TENM3: variants seen among roughly 807,000 people sequenced by gnomAD.
The protein encoded by TENM3 is teneurin-3.
TENM3 carries 63 observed loss-of-function variants against 255.1 expected under a neutral mutation model. The observed-to-expected ratio is 0.25, with a 90% CI of 0.20 to 0.30. The LOEUF (loss-of-function observed/expected upper bound fraction) is 0.30. Ranked by LOEUF, TENM3 falls within the 10% of genes least tolerant of loss-of-function variation. The probability of loss-of-function intolerance (pLI) is 1.00; values close to 1 mark genes in which losing one functional copy is unlikely to be tolerated. For missense variants in TENM3, 2,929 were observed against 3,461.1 expected (o/e 0.85, Z 3.86); for synonymous variants, 1,306 against 1,322.3 (o/e 0.99, Z 0.27).
the TENM3 span, among the ~76,000 whole-genome samples, chr4:181,920,946 C>A: frequency 1.1e-4 from 17 of 152,076 alleles, no homozygotes; most frequent in Non-Finnish European, 1.6e-4. Flanking sequence ...TCAGCTTTCT[C>A]CATATGGCTA....
chr4:182,594,712 G>GTGTA (rs955668329), intron 3 of TENM3, among the ~76,000 whole-genome samples: 1 of 150,418 alleles, frequency 6.6e-6, no homozygotes, highest in African/African-American at 2.4e-5. Context: ...GTGTGTGTGT[G>GTGTA]TGTGTGTGTG....
chr4:181,740,120 A>G, the TENM3 span, among the ~76,000 whole-genome samples: 7 of 152,224 alleles, frequency 4.6e-5, no homozygotes, highest in African/African-American at 1.7e-4. Flanking sequence ...TGAAATCCAC[A>G]GGTATTCTAA....
chr4:181,685,115 A>C, the TENM3 span, among the ~76,000 whole-genome samples: 2 of 151,968 alleles, frequency 1.3e-5, no homozygotes, highest in African/African-American at 4.8e-5. Context: ...ATCTAAAAAG[A>C]TGCCAGGAGT....
At chr4:181,487,513 G>A in the TENM3 span, among the ~76,000 whole-genome samples, 1 of 152,138 alleles carries the variant, frequency 6.6e-6, no homozygotes, top group Non-Finnish European at 1.5e-5. Context: ...GTTCTCACAT[G>A]GTGGAAGGGG....
chr4:181,560,452 C>T, the TENM3 span, among the ~76,000 whole-genome samples: 2 of 152,168 alleles, frequency 1.3e-5, no homozygotes, highest in African/African-American at 4.8e-5. Flanking sequence ...TATATAAACA[C>T]ATGAGGAAAA....
chr4:182,681,904 A>T lies in TENM3; in HGVS notation c.1925A>T (p.Glu642Val). The change falls in exon 11 of 28, where the codon GAA becomes GTA. Residue 642 changes from glutamate (E) to valine (V), a missense_variant. By Grantham distance (121) the Glu-to-Val change is moderately radical. Transcript: ENST00000511685. ...CCAGGATGGGGAGGTAGCAATTGTG[A>T]AATACTGAAGACCATGTGTCCAGAC... ...CSPGWGGSNC[E>V]ILKTMCPDQC... 1 of 1,613,928 alleles carries T rather than the reference A, an allele frequency of 6.2e-7. No individual in the cohort carries two copies. Among genetic ancestry groups the T allele is most frequent in the South Asian group, 1.1e-5 (1 of 91,072 alleles).
the TENM3 span, among the ~76,000 whole-genome samples, chr4:182,094,436 C>T: frequency 0.35 from 53,128 of 151,846 alleles, 9,416 homozygotes; most frequent in East Asian, 0.48. Flanking sequence ...TTAGTAGAGA[C>T]GGGGTTTCAC....
chr4:181,474,751 A>AAC, the TENM3 span, among the ~76,000 whole-genome samples: 1 of 151,602 alleles, frequency 6.6e-6, no homozygotes, highest in Non-Finnish European at 1.5e-5. Context: ...AAAAAAAAAA[A>AAC]AACAAAGAAA....
intron 3 of TENM3, among the ~76,000 whole-genome samples, chr4:182,473,448 T>G (rs536771944): frequency 6.6e-6 from 1 of 151,948 alleles, no homozygotes; most frequent in African/African-American, 2.4e-5. Context: ...CCAAGGCGGG[T>G]GGATCACGAA....
chr4:182,510,114 C>A (rs1424784750), intron 3 of TENM3, among the ~76,000 whole-genome samples: 1 of 152,144 alleles, frequency 6.6e-6, no homozygotes, highest in Admixed American at 6.5e-5. Flanking sequence ...AAATTCTCCA[C>A]CAAGTTTTAG....
At chr4:181,840,782 T>A in the TENM3 span, among the ~76,000 whole-genome samples, 7 of 152,214 alleles carry the variant, frequency 4.6e-5, no homozygotes, top group African/African-American at 1.7e-4. Flanking sequence ...TGAACCCCTC[T>A]ACTTCTAGAA....
the TENM3 span, among the ~76,000 whole-genome samples, chr4:181,692,004 T>C: frequency 5.3e-5 from 8 of 152,338 alleles, no homozygotes; most frequent in Non-Finnish European, 1.5e-5. Context: ...TTGTTGACAT[T>C]CCCTTGTTAA....
the TENM3 span, among the ~76,000 whole-genome samples, chr4:181,978,507 CATGGT>C: frequency 6.6e-6 from 1 of 151,840 alleles, no homozygotes; most frequent in African/African-American, 2.4e-5. Context: ...ATTAGCGAGG[CATGGT>C]GGTGCGCGCC....
chr4:181,803,968 A>G, the TENM3 span, among the ~76,000 whole-genome samples: 1 of 150,416 alleles, frequency 6.6e-6, no homozygotes, highest in Admixed American at 6.7e-5. Flanking sequence ...GAAAGAAAGA[A>G]AAAGAAAGGA....
chr4:181,523,660 C>T, the TENM3 span, among the ~76,000 whole-genome samples: 1 of 152,176 alleles, frequency 6.6e-6, no homozygotes, highest in Non-Finnish European at 1.5e-5. Context: ...TGGCCCTCCC[C>T]TTCTACAGCA....
chr4:181,671,443 C>T, the TENM3 span, among the ~76,000 whole-genome samples: 2 of 152,078 alleles, frequency 1.3e-5, no homozygotes, highest in Non-Finnish European at 2.9e-5. Flanking sequence ...AGCAAACATA[C>T]CTAAATAACT....
At chr4:181,863,157 A>C in the TENM3 span, among the ~76,000 whole-genome samples, 1 of 152,192 alleles carries the variant, frequency 6.6e-6, no homozygotes, top group African/African-American at 2.4e-5. Context: ...AGAGCTCAGA[A>C]TAAAATTAAC....
the TENM3 span, among the ~76,000 whole-genome samples, chr4:181,638,657 T>TA: frequency 6.6e-6 from 1 of 152,184 alleles, no homozygotes; most frequent in Non-Finnish European, 1.5e-5. Context: ...TTCTCTGTAG[T>TA]AAAAATGGAA....
chr4:181,721,516 C>T, the TENM3 span, among the ~76,000 whole-genome samples: 294 of 100,372 alleles, frequency 2.9e-3, 8 homozygotes, highest in African/African-American at 9.7e-3. Context: ...AGGAGAATGG[C>T]GTGAACCCGG....
Sources: allele counts gnomAD v4.1 joint callset (sites outside exome capture counted in the v4.1 genomes callset), GRCh38; gene constraint gnomAD v4.1.1; transcripts MANE v1.5; gene names NCBI Gene and HGNC (gene_info 2026-07-23, HGNC 2026-07-21).